Variants in PACRG observed in about 807,000 individuals in gnomAD.
PACRG encodes parkin coregulated gene protein.
PACRG carries 29 observed loss-of-function variants against 29.7 expected under a neutral mutation model. That is an observed-to-expected ratio of 0.98 (90% CI 0.73 to 1.33). The LOEUF is 1.33. PACRG is among the 40% of genes most tolerant of loss of function. The pLI, the probability that PACRG is intolerant of heterozygous loss-of-function variation, is 0.00. For synonymous variants in PACRG, 116 were observed against 118.7 expected (o/e 0.98, Z 0.15); for missense variants, 279 against 316.2 (o/e 0.88, Z 0.89).
chr6:163,121,914 G>C (rs1217244641), intron 4 of PACRG, among the ~76,000 whole-genome samples: 1 of 151,612 alleles, frequency 6.6e-6, no homozygotes, highest in Non-Finnish European at 1.5e-5. Context: ...TGCCTGCCTC[G>C]GCCTCCCAAA....
chr6:163,276,544 C>CAT (rs1172536490), intron 4 of PACRG, among the ~76,000 whole-genome samples: 3 of 152,090 alleles, frequency 2.0e-5, no homozygotes, highest in African/African-American at 7.2e-5. Flanking sequence ...TTTTCCTTGA[C>CAT]ATAGGGTGTG....
intron 2 of PACRG, among the ~76,000 whole-genome samples, chr6:163,009,490 A>T (rs370244155): frequency 2.2e-4 from 34 of 152,360 alleles, no homozygotes; most frequent in African/African-American, 7.5e-4. Context: ...TAATGATTTC[A>T]ATAGCAATAA....
chr6:163,269,943 GAA>G (rs1223358624), intron 4 of PACRG, among the ~76,000 whole-genome samples: 1 of 27,042 alleles, frequency 3.7e-5, no homozygotes. Context: ...AAGAAAGAAA[GAA>G]AGAAAGAAAG....
At chr6:163,299,296 G>C (rs1310393299) in intron 4 of PACRG, among the ~76,000 whole-genome samples, 1 of 152,196 alleles carries the variant, frequency 6.6e-6, no homozygotes, top group Non-Finnish European at 1.5e-5. Flanking sequence ...CACCAGGCAG[G>C]CCATGTGGCC....
chr6:163,045,306 G>A (rs1319817586), intron 2 of PACRG, among the ~76,000 whole-genome samples: 4 of 152,126 alleles, frequency 2.6e-5, no homozygotes, highest in African/African-American at 9.7e-5. Flanking sequence ...CCACCTCACA[G>A]GAATAGAGAA....
intron 4 of PACRG, among the ~76,000 whole-genome samples, chr6:163,124,086 G>A (rs975278469): frequency 6.6e-6 from 1 of 152,216 alleles, no homozygotes; most frequent in African/African-American, 2.4e-5. Context: ...GCAGCAGTAT[G>A]TATTCTTTGG....
chr6:162,896,686 A>ATT (rs1185315822), intron 2 of PACRG, among the ~76,000 whole-genome samples: 3 of 152,160 alleles, frequency 2.0e-5, no homozygotes, highest in Admixed American at 1.3e-4. Context: ...ATGTATCAGA[A>ATT]TTTTTTCCTT....
chr6:162,846,514 C>T (rs185411259), intron 2 of PACRG, among the ~76,000 whole-genome samples: 6 of 152,288 alleles, frequency 3.9e-5, no homozygotes, highest in Non-Finnish European at 4.4e-5. Context: ...CAAACCATCA[C>T]CAGGCCAAAT....
Position 163,239,950 on chromosome 6 carries a change from C to A in PACRG, c.614-74877C>A, listed in dbSNP as rs370647701. On this transcript the variant is annotated intron_variant, in intron 4 of 4. Coordinates refer to ENST00000366888, the MANE Select transcript of PACRG (RefSeq NM_001080379.2). ...TAACACACTCACACTCCCACCCCCC[C>A]CACACACTCACACTCCCATCGTCAC... 2.0e-4 allele frequency among the ~76,000 whole-genome samples: 27 copies of A among 134,884 alleles called. 1 individual carries two copies. Among genetic ancestry groups the A allele is most frequent in the African/African-American group, 4.0e-4 (14 of 34,752 alleles). 88.5% of individuals were successfully genotyped at this position (134,884 alleles called of 152,430 possible).
intron 1 of PACRG, among the ~76,000 whole-genome samples, chr6:162,752,946 T>G (rs1394468798): frequency 6.6e-6 from 1 of 152,192 alleles, no homozygotes; most frequent in Non-Finnish European, 1.5e-5. Flanking sequence ...ATGTATTTAT[T>G]TATTTTTATT....
At chr6:162,965,975 C>T (rs962932593) in intron 2 of PACRG, among the ~76,000 whole-genome samples, 13 of 152,146 alleles carry the variant, frequency 8.5e-5, no homozygotes, top group African/African-American at 2.9e-4. Context: ...GAATATCGTG[C>T]AGCTCCGATA....
intron 4 of PACRG, among the ~76,000 whole-genome samples, chr6:163,305,863 C>G (rs985404163): frequency 6.6e-6 from 1 of 152,204 alleles, no homozygotes; most frequent in African/African-American, 2.4e-5. Context: ...CACTTACTCA[C>G]CTGGAACCTC....
chr6:162,918,915 CTGAT>C (rs534670542), intron 2 of PACRG, among the ~76,000 whole-genome samples: 1 of 151,988 alleles, frequency 6.6e-6, no homozygotes, highest in Non-Finnish European at 1.5e-5. Context: ...TTAATATTAA[CTGAT>C]TGATATTTAA....
intron 1 of PACRG, among the ~76,000 whole-genome samples, chr6:162,745,865 A>G (rs964607725): frequency 6.6e-6 from 1 of 152,148 alleles, no homozygotes; most frequent in Non-Finnish European, 1.5e-5. Context: ...CAAATTTAAG[A>G]TATTATTATT....
chr6:163,126,830 T>C (rs371812037), intron 4 of PACRG, among the ~76,000 whole-genome samples: 6 of 152,360 alleles, frequency 3.9e-5, no homozygotes, highest in African/African-American at 1.4e-4. Context: ...ACATTTCTTC[T>C]TGTTTTGCTC....
At chr6:162,786,120 A>T (rs1354451237) in intron 1 of PACRG, among the ~76,000 whole-genome samples, 2 of 152,230 alleles carry the variant, frequency 1.3e-5, no homozygotes, top group Admixed American at 6.5e-5. Context: ...AGAGGGGCAG[A>T]TAAGGTGCCC....
chr6:162,745,350 CAG>C (rs1012432217), intron 1 of PACRG, among the ~76,000 whole-genome samples: 3 of 151,388 alleles, frequency 2.0e-5, no homozygotes, highest in Non-Finnish European at 2.9e-5. Context: ...CACGTGGACA[CAG>C]GGAGGGGAAC....
At chr6:162,878,840 T>A (rs1322259050) in intron 2 of PACRG, among the ~76,000 whole-genome samples, 1 of 152,224 alleles carries the variant, frequency 6.6e-6, no homozygotes. Flanking sequence ...TTATTCTAAA[T>A]CTGAATGGAG....
chr6:162,965,215 C>T (rs998106279), intron 2 of PACRG, among the ~76,000 whole-genome samples: 2 of 151,976 alleles, frequency 1.3e-5, no homozygotes, highest in African/African-American at 4.8e-5. Flanking sequence ...TACCTCTTGG[C>T]CAGAGTCTTG....
Sources: gnomAD v4.1 joint callset for allele counts (sites outside exome capture counted in the v4.1 genomes callset) on GRCh38, gnomAD v4.1.1 for gene constraint, MANE v1.5 for transcripts, NCBI Gene and HGNC (gene_info 2026-07-23, HGNC 2026-07-21) for gene names.